Variants in TRPM3 observed in about 807,000 individuals in gnomAD.
The protein encoded by TRPM3 is long transient receptor potential channel 3.
In TRPM3, 77 loss-of-function variants were observed where a neutral mutation model predicts 181.2. That is an observed-to-expected ratio of 0.42 (90% CI 0.35 to 0.51). The LOEUF is 0.51. Among genes scored for constraint, TRPM3 ranks in the 20% least tolerant of loss-of-function variants. TRPM3 has a pLI of 0.01. For synonymous variants in TRPM3, 745 were observed against 796.4 expected (o/e 0.94, Z 1.09); for missense variants, 1,759 against 2,196.7 (o/e 0.80, Z 3.98).
At chr9:70,970,312 AT>A (rs574091525) in intron 1 of TRPM3, among the ~76,000 whole-genome samples, 5 of 152,144 alleles carry the variant, frequency 3.3e-5, no homozygotes, top group Non-Finnish European at 7.4e-5. Context: ...AATCAAGAGG[AT>A]TTTCCATTAG....
chr9:71,247,622 A>G (rs998112408), intron 1 of TRPM3, among the ~76,000 whole-genome samples: 2 of 143,386 alleles, frequency 1.4e-5, no homozygotes, highest in East Asian at 3.9e-4. Context: ...AGGAACTCAG[A>G]GATGTCAAAG....
chr9:71,202,479 T>C (rs1217533836), intron 1 of TRPM3, among the ~76,000 whole-genome samples: 1 of 152,184 alleles, frequency 6.6e-6, no homozygotes, highest in African/African-American at 2.4e-5. Flanking sequence ...TTAACAGGAC[T>C]TTGTTATAGA....
At chr9:70,696,123 A>G (rs1185475428) in intron 8 of TRPM3, among the ~76,000 whole-genome samples, 1 of 152,162 alleles carries the variant, frequency 6.6e-6, no homozygotes, top group African/African-American at 2.4e-5. Context: ...GTTCTATTCT[A>G]TCTCTACATC....
intron 1 of TRPM3, among the ~76,000 whole-genome samples, chr9:70,938,010 T>C (rs1263775798): frequency 6.6e-6 from 1 of 152,224 alleles, no homozygotes; most frequent in Non-Finnish European, 1.5e-5. Flanking sequence ...TTCCTCAGTA[T>C]ATCCTGTCCA....
intron 8 of TRPM3, among the ~76,000 whole-genome samples, chr9:70,683,428 C>CATT (rs2065960510): frequency 1.7e-5 from 1 of 57,458 alleles, no homozygotes; most frequent in Non-Finnish European, 3.2e-5. Context: ...TCTCTCTCTC[C>CATT]TTTTTTTTTT....
chr9:71,413,358 G>A (rs1398367379), intron 1 of TRPM3, among the ~76,000 whole-genome samples: 4 of 151,806 alleles, frequency 2.6e-5, no homozygotes, highest in South Asian at 4.2e-4. Context: ...TTATAATATC[G>A]AAAGTGTCTA....
At chr9:71,144,432 G>A (rs1044695362) in intron 1 of TRPM3, among the ~76,000 whole-genome samples, 16 of 152,054 alleles carry the variant, frequency 1.1e-4, no homozygotes, top group Non-Finnish European at 7.4e-5. Flanking sequence ...TTAAATATCA[G>A]TCAAGTCTTT....
intron 1 of TRPM3, among the ~76,000 whole-genome samples, chr9:71,443,255 A>G (rs1464033684): frequency 6.6e-6 from 1 of 152,186 alleles, no homozygotes. Context: ...GCAAAGCAAC[A>G]TGAATTCATA....
chr9:70,988,357 C>G (rs929277697), intron 1 of TRPM3, among the ~76,000 whole-genome samples: 8 of 152,252 alleles, frequency 5.3e-5, no homozygotes, highest in Admixed American at 2.6e-4. Context: ...ACCTAAGAAG[C>G]CTTCATTGTC....
At chr9:70,640,150 A>T (rs964882878) in intron 10 of TRPM3, among the ~76,000 whole-genome samples, 3 of 152,212 alleles carry the variant, frequency 2.0e-5, no homozygotes, top group Admixed American at 2.0e-4. Flanking sequence ...TGCAGAGGGA[A>T]GCCTGCTAAT....
intron 1 of TRPM3, among the ~76,000 whole-genome samples, chr9:71,367,176 C>G (rs1303527967): frequency 6.6e-6 from 1 of 152,116 alleles, no homozygotes; most frequent in African/African-American, 2.4e-5. Flanking sequence ...CAATGCTTTA[C>G]CCCAAGCTAA....
At chr9:70,582,694 A>G (rs974598159) in intron 22 of TRPM3, among the ~76,000 whole-genome samples, 12 of 152,334 alleles carry the variant, frequency 7.9e-5, no homozygotes, top group African/African-American at 2.6e-4. Context: ...CTCAGTAGCC[A>G]TATGTGACGA....
chr9:71,078,669 G>A (rs574851554), intron 1 of TRPM3, among the ~76,000 whole-genome samples: 1 of 152,228 alleles, frequency 6.6e-6, no homozygotes, highest in African/African-American at 2.4e-5. Flanking sequence ...CAATGTTAAA[G>A]GGATCACAAA....
At chr9:71,162,918 G>A (rs1469187408) in intron 1 of TRPM3, among the ~76,000 whole-genome samples, 4 of 152,134 alleles carry the variant, frequency 2.6e-5, no homozygotes, top group Non-Finnish European at 4.4e-5. Flanking sequence ...TCTTATGGGA[G>A]GTGATGGTTC....
At chr9:71,091,663 A>T (rs1031954019) in intron 1 of TRPM3, among the ~76,000 whole-genome samples, 11 of 152,066 alleles carry the variant, frequency 7.2e-5, no homozygotes, top group African/African-American at 2.7e-4. Context: ...ACTCCAATAA[A>T]TTTCTTCTGT....
intron 7 of TRPM3, chr9:70,776,498 A>AT (rs2081388047): frequency 5.7e-6 from 4 of 697,834 alleles, no homozygotes; most frequent in Non-Finnish European, 1.1e-5. Context: ...CTAGTCAAAA[A>AT]ATGATTTGCA....
chr9:71,226,396 T>A (rs1246590175), intron 1 of TRPM3, among the ~76,000 whole-genome samples: 2 of 151,650 alleles, frequency 1.3e-5, no homozygotes. Context: ...AGTGGCTGAA[T>A]GGATTAAAAA....
intron 1 of TRPM3, among the ~76,000 whole-genome samples, chr9:71,053,841 A>G (rs903482085): frequency 3.3e-5 from 5 of 152,094 alleles, no homozygotes; most frequent in African/African-American, 1.2e-4. Flanking sequence ...CATCATTAAT[A>G]CATATTACTG....
chr9:71,374,204 T>A (rs748543151), intron 1 of TRPM3, among the ~76,000 whole-genome samples: 12 of 151,980 alleles, frequency 7.9e-5, no homozygotes, highest in Non-Finnish European at 1.5e-4. Flanking sequence ...TGAAACCCCA[T>A]CTCTACTAAA....
Sources: gnomAD v4.1 joint callset for allele counts (sites outside exome capture counted in the v4.1 genomes callset) on GRCh38, gnomAD v4.1.1 for gene constraint, MANE v1.5 for transcripts, NCBI Gene and HGNC (gene_info 2026-07-23, HGNC 2026-07-21) for gene names.